NT5E: variants seen among roughly 807,000 people sequenced by gnomAD.
The protein encoded by NT5E is 5'-nucleotidase ecto, also known as 5'-nucleotidase.
A neutral mutation model predicts 55.1 loss-of-function variants in NT5E; 53 were observed. The ratio of observed to expected loss-of-function variants is 0.96; its 90% CI spans 0.77 to 1.21. The LOEUF is 1.21. NT5E is among the 50% of genes most tolerant of loss of function. The pLI is 0.00. For synonymous variants in NT5E, 270 were observed against 278.4 expected (o/e 0.97, Z 0.30); for missense variants, 683 against 724.3 (o/e 0.94, Z 0.65).
At chr6:85,476,627 C>G (rs1162540496) in intron 3 of NT5E, among the ~76,000 whole-genome samples, 2 of 152,190 alleles carry the variant, frequency 1.3e-5, no homozygotes, top group East Asian at 3.9e-4. Context: ...GAAGGATCAG[C>G]TTGCACGAAC....
chr6:85,495,529 A>G lies in NT5E; in HGVS notation c.*1525A>G, dbSNP rs920909209. 6.6e-6 allele frequency: 1 copy of G among 152,230 alleles called. No individual in the cohort carries two copies. Among genetic ancestry groups the G allele is most frequent in the African/African-American group, 2.4e-5 (1 of 41,460 alleles). 9.4% of individuals were successfully genotyped at this position (152,230 alleles called of 1,614,324 possible). On this transcript the variant is annotated 3_prime_UTR_variant, in exon 9 of 9. Transcript: ENST00000257770. ...TTATAAAAGTTGTTGCAGCAAAATA[A>G]TAGCCTCGGTTCTATGCATATATGG...
intron 5 of NT5E, 21 bp downstream of exon 5, chr6:85,487,510 G>A (rs1339326043): frequency 3.7e-5 from 59 of 1,613,976 alleles, no homozygotes; most frequent in Non-Finnish European, 5.0e-5. Flanking sequence ...AGCAGGAGTG[G>A]ACATATGCTA....
intron 6 of NT5E, 97 bp from the exon 7 acceptor site, chr6:85,490,411 C>G: frequency 7.4e-7 from 1 of 1,349,682 alleles, no homozygotes; most frequent in Non-Finnish European, 1.1e-6. Context: ...TTCCCATGTC[C>G]CCCTCATTTC....
intron 1 of NT5E, among the ~76,000 whole-genome samples, chr6:85,461,478 CA>C (rs1454406872): frequency 6.6e-6 from 1 of 152,198 alleles, no homozygotes; most frequent in African/African-American, 2.4e-5. Flanking sequence ...AAATGCCTCA[CA>C]GGCCAAGAGG....
intron 3 of NT5E, among the ~76,000 whole-genome samples, chr6:85,482,748 C>T (rs571864260): frequency 6.6e-6 from 1 of 152,298 alleles, no homozygotes; most frequent in Non-Finnish European, 1.5e-5. Flanking sequence ...ATGTGTAGCT[C>T]TTTGTGGAAA....
intron 6 of NT5E, among the ~76,000 whole-genome samples, chr6:85,490,011 A>G (rs907287460): frequency 2.6e-5 from 4 of 152,242 alleles, no homozygotes; most frequent in African/African-American, 9.6e-5. Context: ...TTACCTTAGT[A>G]TATTTACAGA....
At chr6:85,453,745 C>T (rs1768936376) in intron 1 of NT5E, among the ~76,000 whole-genome samples, 1 of 152,144 alleles carries the variant, frequency 6.6e-6, no homozygotes, top group Admixed American at 6.5e-5. Context: ...CCAATTGCTC[C>T]TAAATGGGGG....
chr6:85,453,399 G>A (rs2127753515), intron 1 of NT5E, among the ~76,000 whole-genome samples: 1 of 152,274 alleles, frequency 6.6e-6, no homozygotes, highest in East Asian at 1.9e-4. Context: ...TGTGAGGAAG[G>A]GAAGGTTTGG....
intron 2 of NT5E, among the ~76,000 whole-genome samples, chr6:85,467,669 T>G (rs934191483): frequency 1.1e-4 from 16 of 152,216 alleles, no homozygotes; most frequent in Non-Finnish European, 2.1e-4. Context: ...TCAATTTACC[T>G]TATTGCTCCT....
chr6:85,476,329 T>C (rs1769435222), intron 3 of NT5E, among the ~76,000 whole-genome samples: 2 of 152,202 alleles, frequency 1.3e-5, no homozygotes, highest in Admixed American at 1.3e-4. Context: ...GTGGGACTCA[T>C]GAAGGGGTTG....
intron 3 of NT5E, among the ~76,000 whole-genome samples, chr6:85,473,995 G>C (rs1769375307): frequency 6.6e-6 from 1 of 152,122 alleles, no homozygotes; most frequent in African/African-American, 2.4e-5. Context: ...GAAAAGATTG[G>C]GAGACCATGC....
Position 85,450,612 on chromosome 6 carries a change from G to A in NT5E, c.339+134G>A. The A allele has an allele frequency of 2.4e-6, 2 of 818,848 alleles. No individual in the cohort carries two copies. The highest frequency in any genetic ancestry group is 1.5e-5 in the South Asian group (1 of 67,612). 50.7% of individuals were successfully genotyped at this position (818,848 alleles called of 1,614,324 possible). ...AGATGTGGGGATAAAGTGAGACTCC[G>A]GCCAGTGTGCCAGCTGGATGCATAG... On this transcript the variant is annotated intron_variant, in intron 1 of 8. Transcript: ENST00000257770. The surrounding 1 kb of genome is among the most constrained non-coding windows in gnomAD (Gnocchi z 4.0).
rs1392461966 is a variant in NT5E at position 85,487,338 on chromosome 6, C to G, written c.953C>G (p.Pro318Arg). Residue 318 changes from proline to arginine, a missense_variant, in exon 5 of 9, where the codon CCA (proline) becomes CGA (arginine). By Grantham distance (103) the Pro-to-Arg change is moderately radical. Transcript: ENST00000257770. ...TACCTTCTTTTCTTTCTTCTAGATC[C>G]AAGCATAAAAGCAGACATTAACAAA... ...ILLNSSIPED[P>R]SIKADINKWR... 1.2e-6 allele frequency: 2 copies of G among 1,612,956 alleles called. No homozygotes were observed. The highest frequency in any genetic ancestry group is 2.2e-5 in the South Asian group (2 of 91,054).
intron 3 of NT5E, among the ~76,000 whole-genome samples, chr6:85,476,943 A>G (rs1048010679): frequency 1.3e-5 from 2 of 152,170 alleles, no homozygotes; most frequent in Non-Finnish European, 2.9e-5. Flanking sequence ...GGCAACATTC[A>G]GGCAGCAAAA....
At chr6:85,462,221 A>G (rs919414946) in intron 1 of NT5E, among the ~76,000 whole-genome samples, 1 of 151,764 alleles carries the variant, frequency 6.6e-6, no homozygotes, top group African/African-American at 2.4e-5. Flanking sequence ...CACAACTCCC[A>G]TCCATTCACT....
In NT5E at chr6:85,489,510, GAC is replaced by G. The variant is rs1231322228; in HGVS notation, c.1126_1127del (p.Thr376GlyfsTer2). 6.2e-7 allele frequency: 1 copy of G among 1,613,208 alleles called. No individual in the cohort carries two copies. The highest frequency in any genetic ancestry group is 8.5e-7 in the Non-Finnish European group (1 of 1,179,302). ...CTGTTGCAGATTAACAACAACCTGA[GAC>G]ACACGGATGAAATGTTCTGGAACCA... is the stretch of plus-strand genomic sequence containing the variant. On this transcript the variant is annotated frameshift_variant, in exon 6 of 9. Coordinates refer to ENST00000257770, the MANE Select transcript of NT5E (RefSeq NM_002526.4). LOFTEE classifies it high-confidence loss of function.
rs374091944 is a variant in NT5E, at chr6:85,489,670, G to T, written c.1210+71G>T. 8 of 1,110,852 alleles carry T rather than the reference G, an allele frequency of 7.2e-6. No individual in the cohort carries two copies. In the East Asian group the frequency reaches 9.8e-5, roughly 14 times the overall value. 68.8% of individuals were successfully genotyped at this position (1,110,852 alleles called of 1,614,324 possible). On this transcript the variant is annotated intron_variant, in intron 6 of 8. Transcript: ENST00000257770. The stretch of plus-strand genomic sequence containing the variant: ...GATCTCCTTTTCTGTTATGGTTCTT[G>T]CCCTGAACACACCCATGTGCAGCCT...
chr6:85,491,766 G>T (rs185876872), intron 7 of NT5E, among the ~76,000 whole-genome samples: 1 of 152,284 alleles, frequency 6.6e-6, no homozygotes, highest in Admixed American at 6.5e-5. Context: ...TCCAGAGCTG[G>T]TTTTCCTTCC....
intron 3 of NT5E, among the ~76,000 whole-genome samples, chr6:85,478,991 C>A (rs1259680359): frequency 3.3e-5 from 5 of 152,034 alleles, no homozygotes; most frequent in Non-Finnish European, 7.4e-5. Context: ...GCTTCTCATA[C>A]ATATTAATTC....
Sources: gnomAD v4.1 joint callset for allele counts (sites outside exome capture counted in the v4.1 genomes callset) on GRCh38, gnomAD v4.1.1 for gene constraint, Gnocchi (gnomAD v3.1) non-coding constraint, MANE v1.5 for transcripts, NCBI Gene and HGNC (gene_info 2026-07-23, HGNC 2026-07-21) for gene names.